The following ARHGAP30 variants were observed in gnomAD, a reference collection of about 807,000 sequenced individuals.
ARHGAP30 encodes rho GTPase-activating protein 30.
In ARHGAP30, 23 loss-of-function variants were observed where a neutral mutation model predicts 72.0. The ratio of observed to expected loss-of-function variants is 0.32; its 90% CI spans 0.23 to 0.45. ARHGAP30 has a LOEUF of 0.45. ARHGAP30 is among the 20% of genes least tolerant of loss of function. The pLI is 1.00. For missense variants in ARHGAP30, 1,319 were observed against 1,383.4 expected (o/e 0.95, Z 0.74); for synonymous variants, 576 against 528.2 (o/e 1.09, Z -1.24).
In ARHGAP30 at chr1:161,051,247, A is replaced by G. The variant is rs563900014; in HGVS notation, c.1420+67T>C. The stretch of plus-strand genomic sequence containing the variant: ...CTGCCCTTCCTAGGGTGGATCTTCC[A>G]GCATCAGAGCTTCAGCCTAGAGTTC... On this transcript the variant is annotated intron_variant, in intron 10 of 11. Transcript: ENST00000368013. 3.9e-5 allele frequency: 58 copies of G among 1,506,098 alleles called. No homozygotes were observed. In the South Asian group the frequency reaches 7.2e-4, roughly 19 times the overall value. The allele number at this position is 1,506,098 out of a possible 1,614,324, so 93.3% of individuals were successfully genotyped here. A position where few individuals can be genotyped will look rare whatever the true frequency, so the allele number is the denominator to read the frequency against.
Position 161,053,506 on chromosome 1 carries a change from C to CTCTCTT in ARHGAP30, c.537-122_537-121insAAGAGA, listed in dbSNP as rs1553217361. 36 of 842,988 alleles carry CTCTCTT rather than the reference C, an allele frequency of 4.3e-5. No homozygotes were observed. The African/African-American group carries it at 2.2e-3, about 51-fold the overall frequency. 52.2% of individuals were successfully genotyped at this position (842,988 alleles called of 1,614,324 possible). ...TCTCTCTCTCTCTCTCTCTCTCTCT[C>CTCTCTT]GAATGACCTTAACCCCTTCTCTACC... On this transcript the variant is annotated intron_variant, in intron 5 of 11. Transcript: ENST00000368013.
intron 9 of ARHGAP30, 52 bp downstream of exon 9, chr1:161,052,234 G>A (rs1651456140): frequency 1.6e-5 from 25 of 1,595,400 alleles, no homozygotes; most frequent in South Asian, 3.3e-5. Flanking sequence ...ACAAGCCCAC[G>A]CTGGTCACAT....
At chr1:161,056,105 C>T (rs1651860874) in intron 3 of ARHGAP30, among the ~76,000 whole-genome samples, 1 of 152,060 alleles carries the variant, frequency 6.6e-6, no homozygotes. Context: ...AATCTGACCT[C>T]TACCTCCCCA....
Position 161,051,357 on chromosome 1 carries a change from G to T in ARHGAP30, c.1377C>A (p.Ala459=). The part of the protein sequence containing the change: ...CPALQHRPSP[A]SGPGPGPGLG... ...GGCCAGGGCCAGGGCCAGGGCCAGA[G>T]GCAGGGCTTGGCCGGTGCTGTAGAG... is the stretch of plus-strand genomic sequence containing the variant. The change falls in exon 10 of 12, where the codon GCC becomes GCA. Residue 459 remains alanine, a synonymous_variant. Coordinates refer to ENST00000368013, the MANE Select transcript of ARHGAP30 (RefSeq NM_001025598.2). The T allele has an allele frequency of 1.2e-6, 2 of 1,612,744 alleles. No homozygotes were observed. The highest frequency in any genetic ancestry group is 1.7e-6 in the Non-Finnish European group (2 of 1,179,446).
At chr1:161,061,452 C>T (rs975427858) in intron 1 of ARHGAP30, among the ~76,000 whole-genome samples, 4 of 110,764 alleles carry the variant, frequency 3.6e-5, no homozygotes, top group Non-Finnish European at 8.7e-5. Flanking sequence ...CGCGCCTGAC[C>T]TGCTTTATAT....
Position 161,051,578 on chromosome 1 carries a change from G to A in ARHGAP30, c.1156C>T (p.Pro386Ser). The stretch of plus-strand genomic sequence containing the variant: ...GACCGCCCAGCTCGTGGTGTGCCTG[G>A]TTCAGAGTTTGTGCCACCCAGTGCT... Reference protein sequence around the residue: ...AEALGGTNSEPGTPRAGRSAI... With the variant: ...AEALGGTNSESGTPRAGRSAI... Residue 386 changes from proline to serine, a missense_variant, in exon 10 of 12, where the codon CCA becomes TCA. By Grantham distance (74) the Pro-to-Ser change is moderately conservative. Around this residue, in one of 2 missense-constraint regions of ARHGAP30, gnomAD observed 1,097 missense variants for 1,045.2 expected, o/e 1.05. Transcript: ENST00000368013. 7 of 1,613,948 alleles carry A rather than the reference G, an allele frequency of 4.3e-6. No individual in the cohort carries two copies. Among genetic ancestry groups the A allele is most frequent in the Non-Finnish European group, 5.9e-6 (7 of 1,180,032 alleles).
In ARHGAP30 at chr1:161,047,548, A is replaced by G. The variant is rs1044098036; in HGVS notation, c.*167T>C. Reference sequence around the variant, plus strand: ...CTTTGTGTCGGAGACAAGTTCAGGTAAACCAACCAAGGCAGTGCCTCCCAC... The same window carrying G: ...CTTTGTGTCGGAGACAAGTTCAGGTGAACCAACCAAGGCAGTGCCTCCCAC... On this transcript the variant is annotated 3_prime_UTR_variant, in exon 12 of 12. Transcript: ENST00000368013. 12 of 596,976 alleles carry G rather than the reference A, an allele frequency of 2.0e-5. No homozygotes were observed. Among genetic ancestry groups the G allele is most frequent in the Admixed American group, 7.7e-5 (2 of 25,986 alleles). The allele number at this position is 596,976 out of a possible 1,614,324, so 37.0% of individuals were successfully genotyped here. A position where few individuals can be genotyped will look rare whatever the true frequency, so the allele number is the denominator to read the frequency against.
intron 1 of ARHGAP30, among the ~76,000 whole-genome samples, chr1:161,068,717 G>A (rs867990772): frequency 2.0e-5 from 3 of 152,072 alleles, no homozygotes; most frequent in South Asian, 2.1e-4. Flanking sequence ...GCCAGGCCCC[G>A]TTGTGAACCT....
chr1:161,049,124 G>C lies in ARHGAP30; in HGVS notation c.1897C>G (p.Leu633Val). The change falls in exon 12 of 12, where the codon CTG becomes GTG. Residue 633 changes from leucine to valine, a missense_variant. This residue lies in a region of ARHGAP30 where 1,097 missense variants were observed against 1,045.2 expected (regional missense o/e 1.05). Coordinates refer to ENST00000368013, the MANE Select transcript of ARHGAP30 (RefSeq NM_001025598.2). ...CCACATCCTGCTGCCTCTCCCTCCA[G>C]ACTCCCTGAACCCTTCCAGATTGGG... ...KPPIWKGSGS[L>V]EGEAAGCGRQ... The C allele has an allele frequency of 6.2e-7, 1 of 1,614,108 alleles. No homozygotes were observed. The highest frequency in any genetic ancestry group is 1.7e-5 in the Admixed American group (1 of 60,014).
chr1:161,049,506 T>C lies in ARHGAP30; in HGVS notation c.1604A>G (p.Glu535Gly). 1 of 1,614,104 alleles carries C rather than the reference T, an allele frequency of 6.2e-7. No individual in the cohort carries two copies. The highest frequency in any genetic ancestry group is 1.3e-5 in the African/African-American group (1 of 75,040). ...GAEDGEVAQAEAAGAAFSPGE... is the reference protein window; with the variant it reads ...GAEDGEVAQAGAAGAAFSPGE... ...AGGGGAGAAGGCTGCTCCTGCTGCT[T>C]CTGCCTGGGCCACCTCCCCATCCTC... The change falls in exon 11 of 12, where the codon GAA (glutamate) becomes GGA (glycine). Residue 535 changes from glutamate (E) to glycine (G), a missense_variant. Transcript: ENST00000368013.
At chr1:161,053,103 C>T (rs1651539505) in intron 6 of ARHGAP30, 155 bp downstream of exon 6, 20 of 1,162,560 alleles carry the variant, frequency 1.7e-5, no homozygotes, top group Admixed American at 2.6e-5. Flanking sequence ...CTTCTCAAGT[C>T]CTGACTGCAC....
chr1:161,055,842 TA>T lies in ARHGAP30; in HGVS notation c.345+545del, dbSNP rs1209243824. ...TAAAATAAAATAAAATAAAATAAAA[TA>T]AATAAAATAAAATAAATAAAATAAA... On this transcript the variant is annotated intron_variant, in intron 3 of 11. Coordinates refer to ENST00000368013, the MANE Select transcript of ARHGAP30 (RefSeq NM_001025598.2). Among the ~76,000 whole-genome samples the T allele has an allele frequency of 4.9e-3, 156 of 31,824 alleles. 5 individuals carry two copies. Among genetic ancestry groups the T allele is most frequent in the African/African-American group, 0.012 (145 of 12,174 alleles). The allele number at this position is 31,824 out of a possible 152,430, so 20.9% of individuals were successfully genotyped here. A position where few individuals can be genotyped will look rare whatever the true frequency, so the allele number is the denominator to read the frequency against.
chr1:161,052,849 C>G (rs3813610), intron 6 of ARHGAP30, 52 bp from the exon 7 acceptor site: 905,954 of 1,581,868 alleles, frequency 0.57, 267,465 homozygotes, highest in Non-Finnish European at 0.62. Flanking sequence ...AGAGAGGGAC[C>G]TCAGGCACCC....
At position 161,048,140 on chromosome 1, in the gene ARHGAP30, G is replaced by T; in HGVS notation, c.2881C>A (p.Pro961Thr). Residue 961 changes from proline (P) to threonine (T), a missense_variant, in exon 12 of 12, where the codon CCT (proline) becomes ACT (threonine). By Grantham distance (38) the Pro-to-Thr change is conservative (BLOSUM62 -1). This residue lies in a region of ARHGAP30 where 1,097 missense variants were observed against 1,045.2 expected (regional missense o/e 1.05). Transcript: ENST00000368013. ...SAMCSKIHVA[P>T]ANPCPRPGRL... ...CCAGGCCTCGGGCATGGATTTGCAG[G>T]TGCCACATGAATCTTGCTACACATT... The T allele has an allele frequency of 2.5e-6, 4 of 1,614,198 alleles. No homozygotes were observed. The highest frequency in any genetic ancestry group is 3.4e-6 in the Non-Finnish European group (4 of 1,180,032).
In ARHGAP30 at chr1:161,049,142, A is replaced by G; in HGVS notation, c.1879T>C (p.Trp627Arg). The G allele has an allele frequency of 6.2e-7, 1 of 1,614,046 alleles. No homozygotes were observed. The highest frequency in any genetic ancestry group is 8.5e-7 in the Non-Finnish European group (1 of 1,179,980). ...SPLLGPKPPI[W>R]KGSGSLEGEA... Reference sequence around the variant, plus strand: ...CCCTCCAGACTCCCTGAACCCTTCCAGATTGGGGGTTTAGGTCCCAGAAGG... The same window carrying G: ...CCCTCCAGACTCCCTGAACCCTTCCGGATTGGGGGTTTAGGTCCCAGAAGG... The change falls in exon 12 of 12, where the codon TGG (tryptophan) becomes CGG (arginine). Residue 627 changes from tryptophan (W) to arginine (R), a missense_variant. Around this residue, in one of 2 missense-constraint regions of ARHGAP30, gnomAD observed 1,097 missense variants for 1,045.2 expected, o/e 1.05. Coordinates refer to ENST00000368013, the MANE Select transcript of ARHGAP30 (RefSeq NM_001025598.2).
Position 161,047,438 on chromosome 1 carries a change from T to C in ARHGAP30, c.*277A>G. On this transcript the variant is annotated 3_prime_UTR_variant, in exon 12 of 12. Coordinates refer to ENST00000368013, the MANE Select transcript of ARHGAP30 (RefSeq NM_001025598.2). ...AACAAACTCTTTTAAGTTTTCTGCC[T>C]ACCTTATGTTCCCTTTGGCCAATGA... The C allele has an allele frequency of 3.6e-6, 1 of 281,390 alleles. No homozygotes were observed. Among genetic ancestry groups the C allele is most frequent in the Middle Eastern group, 1.1e-3 (1 of 950 alleles). 17.4% of individuals were successfully genotyped at this position (281,390 alleles called of 1,614,324 possible). A position where few individuals can be genotyped will look rare whatever the true frequency, so the allele number is the denominator to read the frequency against.
chr1:161,048,855 A>C lies in ARHGAP30; in HGVS notation c.2166T>G (p.Gly722=), dbSNP rs767877768. The C allele has an allele frequency of 6.2e-6, 10 of 1,612,778 alleles. No individual in the cohort carries two copies. The highest frequency in any genetic ancestry group is 7.6e-6 in the Non-Finnish European group (9 of 1,179,780). Residue 722 remains glycine (G), a synonymous_variant, in exon 12 of 12, where the codon GGT becomes GGG. Coordinates refer to ENST00000368013, the MANE Select transcript of ARHGAP30 (RefSeq NM_001025598.2). ...CCTCCATACTGTCAGCCTTCTTCTG[A>C]CCTTTGGACTTCTCTTCCTTGGCCT... ...ETEAKEEKSK[G]QKKADSMEAK...
chr1:161,048,470 C>G lies in ARHGAP30; in HGVS notation c.2551G>C (p.Ala851Pro). Reference sequence around the variant, plus strand: ...TCCTCTTCTAAATAGTACCCTCCAGCCCTCTGGTCTCCCTCAGCCTCTCCA... The same window carrying G: ...TCCTCTTCTAAATAGTACCCTCCAGGCCTCTGGTCTCCCTCAGCCTCTCCA... Reference protein sequence around the residue: ...GDGEAEGDQRAGGYYLEEDTL... With the variant: ...GDGEAEGDQRPGGYYLEEDTL... The change falls in exon 12 of 12, where the codon GCT (alanine) becomes CCT (proline). Residue 851 changes from alanine (A) to proline (P), a missense_variant. Ala to Pro is a conservative substitution (Grantham distance 27). Around this residue, in one of 2 missense-constraint regions of ARHGAP30, gnomAD observed 1,097 missense variants for 1,045.2 expected, o/e 1.05. Coordinates refer to ENST00000368013, the MANE Select transcript of ARHGAP30 (RefSeq NM_001025598.2). 1.2e-6 allele frequency: 2 copies of G among 1,614,170 alleles called. No homozygotes were observed. Among genetic ancestry groups the G allele is most frequent in the African/African-American group, 1.3e-5 (1 of 75,036 alleles).
rs373597385 is a variant in ARHGAP30, at chr1:161,048,431, C to T, written c.2590G>A (p.Gly864Ser). The T allele has an allele frequency of 2.0e-5, 32 of 1,614,156 alleles. No individual in the cohort carries two copies. Among genetic ancestry groups the T allele is most frequent in the Non-Finnish European group, 2.7e-5 (32 of 1,180,028 alleles). The change falls in exon 12 of 12, where the codon GGT becomes AGT. Residue 864 changes from glycine (G) to serine (S), a missense_variant. Gly to Ser is a moderately conservative substitution (Grantham distance 56). Around this residue, in one of 2 missense-constraint regions of ARHGAP30, gnomAD observed 1,097 missense variants for 1,045.2 expected, o/e 1.05. Transcript: ENST00000368013. ...YYLEEDTLSEGSGVASLEVDC... is the reference protein window; with the variant it reads ...YYLEEDTLSESSGVASLEVDC... ...ACCTCCAGGGACGCTACACCTGAAC[C>T]TTCAGAGAGGGTGTCCTCTTCTAAA...
Sources: gnomAD v4.1 joint callset for allele counts (sites outside exome capture counted in the v4.1 genomes callset) on GRCh38, gnomAD v4.1.1 for gene constraint, gnomAD v4.1.1 regional missense constraint, MANE v1.5 for transcripts, NCBI Gene and HGNC (gene_info 2026-07-23, HGNC 2026-07-21) for gene names.